The following C3orf38 variants were observed in gnomAD, a reference collection of about 807,000 sequenced individuals.
C3orf38 encodes uncharacterized protein C3orf38.
C3orf38 carries 18 observed loss-of-function variants against 28.3 expected under a neutral mutation model. The observed-to-expected ratio is 0.64, with a 90% CI of 0.44 to 0.94. The LOEUF is 0.94. Ranked by LOEUF, C3orf38 falls within the 40% of genes least tolerant of loss-of-function variation. C3orf38 has a pLI of 0.00. For synonymous variants in C3orf38, 145 were observed against 138.1 expected (o/e 1.05, Z -0.35); for missense variants, 364 against 396.4 (o/e 0.92, Z 0.69).
intron 2 of C3orf38, among the ~76,000 whole-genome samples, chr3:88,155,481 C>T (rs1418737485): frequency 1.4e-4 from 18 of 133,208 alleles, no homozygotes; most frequent in Admixed American, 2.3e-4. Context: ...TTTTTTCACA[C>T]GGAGTCTCGC....
chr3:88,150,211 G>A, intron 1 of C3orf38, 26 bp downstream of exon 1: 1 of 1,612,062 alleles, frequency 6.2e-7, no homozygotes, highest in Non-Finnish European at 8.5e-7. Context: ...TCACCTAGAA[G>A]GCTGCCGCCC....
At position 88,149,992 on chromosome 3, in the gene C3orf38, C is replaced by G; in HGVS notation, c.-61C>G. 2 of 1,605,208 alleles carry G rather than the reference C, an allele frequency of 1.2e-6. No individual in the cohort carries two copies. The highest frequency in any genetic ancestry group is 3.3e-4 in the Middle Eastern group (2 of 6,028). ...CACTTCCGGTGTCTGTTGCCAGGCG[C>G]GGGCCCAGTGGGCCGTAGGGGCGAC... On this transcript the variant is annotated 5_prime_UTR_variant, in exon 1 of 3. Coordinates refer to ENST00000318887, the MANE Select transcript of C3orf38 (RefSeq NM_173824.4).
In C3orf38 at chr3:88,157,409, A is replaced by G. The variant is rs1707494489; in HGVS notation, c.*774A>G. 1 of 152,216 alleles carries G rather than the reference A, an allele frequency of 6.6e-6. No homozygotes were observed. Among genetic ancestry groups the G allele is most frequent in the African/African-American group, 2.4e-5 (1 of 41,460 alleles). The allele number at this position is 152,216 out of a possible 1,614,324, so 9.4% of individuals were successfully genotyped here. A position where few individuals can be genotyped will look rare whatever the true frequency, so the allele number is the denominator to read the frequency against. On this transcript the variant is annotated 3_prime_UTR_variant, in exon 3 of 3. Transcript: ENST00000318887. Reference sequence around the variant, plus strand: ...ACAGTTTTATAGAGCAGTTACTGTAATACAATATAAAGGAAATATGCTGTT... The same window carrying G: ...ACAGTTTTATAGAGCAGTTACTGTAGTACAATATAAAGGAAATATGCTGTT...
chr3:88,154,122 A>G (rs1707450752), intron 2 of C3orf38, among the ~76,000 whole-genome samples: 2 of 152,166 alleles, frequency 1.3e-5, no homozygotes, highest in Admixed American at 6.5e-5. Context: ...GAAGAATTTT[A>G]TTGCAAATTC....
In C3orf38 at chr3:88,156,061, G is replaced by C; in HGVS notation, c.416G>C (p.Arg139Pro). The part of the protein sequence containing the change: ...EDKKAEKVDF[R>P]RLGEEFCHWF... ...AAAAAAGCTGAAAAAGTTGATTTTC[G>C]TCGCCTAGGAGAAGAATTCTGTCAT... Residue 139 changes from arginine to proline, a missense_variant, in exon 3 of 3, where the codon CGT becomes CCT. Coordinates refer to ENST00000318887, the MANE Select transcript of C3orf38 (RefSeq NM_173824.4). The C allele has an allele frequency of 1.3e-6, 2 of 1,553,636 alleles. No individual in the cohort carries two copies. The highest frequency in any genetic ancestry group is 1.7e-6 in the Non-Finnish European group (2 of 1,153,202).
At chr3:88,150,309 G>C (rs1477191507) in intron 1 of C3orf38, 124 bp downstream of exon 1, 1 of 1,124,298 alleles carries the variant, frequency 8.9e-7, no homozygotes, top group Non-Finnish European at 1.2e-6. Context: ...GAACCACTAC[G>C]CCGACTTGGG....
chr3:88,150,101 C>A lies in C3orf38; in HGVS notation c.49C>A (p.Leu17Ile), dbSNP rs1204941902. The change falls in exon 1 of 3, where the codon CTA becomes ATA. Residue 17 changes from leucine (L) to isoleucine (I), a missense_variant. Leu to Ile is a conservative substitution (Grantham distance 5). Coordinates refer to ENST00000318887, the MANE Select transcript of C3orf38 (RefSeq NM_173824.4). ...SFSEMEGCRN[L>I]LGLLDNDEIM... ...TTCAGAGATGGAGGGCTGCCGTAAC[C>A]TACTTGGCCTACTGGACAACGACGA... The A allele has an allele frequency of 1.9e-6, 3 of 1,614,204 alleles. No homozygotes were observed. In the Admixed American group the frequency reaches 5.0e-5, roughly 27 times the overall value.
Position 88,156,797 on chromosome 3 carries a change from T to C in C3orf38, c.*162T>C. 1.3e-6 allele frequency: 1 copy of C among 768,812 alleles called. No homozygotes were observed. The highest frequency in any genetic ancestry group is 2.0e-6 in the Non-Finnish European group (1 of 498,864). 47.6% of individuals were successfully genotyped at this position (768,812 alleles called of 1,614,324 possible). On this transcript the variant is annotated 3_prime_UTR_variant, in exon 3 of 3. Transcript: ENST00000318887. The stretch of plus-strand genomic sequence containing the variant: ...ATTTCAGATGTGAAAATTGACATAT[T>C]TTAGTTGAAATACCTTTCTGGACTA...
chr3:88,153,595 A>C, intron 2 of C3orf38, 124 bp downstream of exon 2: 1 of 1,191,878 alleles, frequency 8.4e-7, no homozygotes, highest in African/African-American at 1.5e-5. Flanking sequence ...ATTTTTTAAG[A>C]GATTCTTGCT....
rs1421120079 is a variant in C3orf38 at position 88,155,932 on chromosome 3, T to G, written c.376-89T>G. Reference sequence around the variant, plus strand: ...TTCATTTCTCTCTGGTGTAATGGGTTCATTCAAACTTAATAGGCTAGATAG... The same window carrying G: ...TTCATTTCTCTCTGGTGTAATGGGTGCATTCAAACTTAATAGGCTAGATAG... On this transcript the variant is annotated intron_variant, in intron 2 of 2. Coordinates refer to ENST00000318887, the MANE Select transcript of C3orf38 (RefSeq NM_173824.4). 3 of 999,780 alleles carry G rather than the reference T, an allele frequency of 3.0e-6. No homozygotes were observed. The Admixed American group carries it at 9.0e-5, about 30-fold the overall frequency. 61.9% of individuals were successfully genotyped at this position (999,780 alleles called of 1,614,324 possible).
intron 2 of C3orf38, among the ~76,000 whole-genome samples, chr3:88,154,466 C>G (rs1021524525): frequency 1.3e-5 from 2 of 151,882 alleles, no homozygotes; most frequent in African/African-American, 2.4e-5. Flanking sequence ...CTCCACTGTA[C>G]ATTTTAGATA....
chr3:88,152,660 C>A (rs1172241575), intron 1 of C3orf38, among the ~76,000 whole-genome samples: 1 of 149,894 alleles, frequency 6.7e-6, no homozygotes, highest in Non-Finnish European at 1.5e-5. Flanking sequence ...GAGGCTGAGG[C>A]AGGAGAATGG....
chr3:88,156,256 C>T lies in C3orf38; in HGVS notation c.611C>T (p.Ser204Leu), dbSNP rs1167177678. The change falls in exon 3 of 3, where the codon TCA (serine) becomes TTA (leucine). Residue 204 changes from serine (S) to leucine (L), a missense_variant. Coordinates refer to ENST00000318887, the MANE Select transcript of C3orf38 (RefSeq NM_173824.4). Reference protein sequence around the residue: ...GAEIVSLRLLSLVKEEFLFLS... With the variant: ...GAEIVSLRLLLLVKEEFLFLS... ...GAAATCGTGAGCCTTCGTTTGCTGT[C>T]ACTAGTAAAAGAAGAATTTCTTTTT... 2 of 1,614,038 alleles carry T rather than the reference C, an allele frequency of 1.2e-6. No homozygotes were observed. The highest frequency in any genetic ancestry group is 1.7e-6 in the Non-Finnish European group (2 of 1,180,044).
At position 88,149,966 on chromosome 3, in the gene C3orf38, G is replaced by A. The variant is rs1208120025; in HGVS notation, c.-87G>A. 8 of 1,545,818 alleles carry A rather than the reference G, an allele frequency of 5.2e-6. No individual in the cohort carries two copies. The highest frequency in any genetic ancestry group is 1.7e-5 in the Admixed American group (1 of 58,276). ...CCTTCGACGGAGAACAACAAGAAAG[G>A]CACTTCCGGTGTCTGTTGCCAGGCG... On this transcript the variant is annotated 5_prime_UTR_variant, in exon 1 of 3. Coordinates refer to ENST00000318887, the MANE Select transcript of C3orf38 (RefSeq NM_173824.4).
Position 88,156,666 on chromosome 3 carries a change from A to G in C3orf38, c.*31A>G. The G allele has an allele frequency of 1.3e-6, 2 of 1,590,178 alleles. No homozygotes were observed. The highest frequency in any genetic ancestry group is 1.7e-6 in the Non-Finnish European group (2 of 1,170,012). ...TGGAAATGAGACATTGCTGAACAAA[A>G]GAGAACTGGGTTTACCTGACCCTCT... is the stretch of plus-strand genomic sequence containing the variant. On this transcript the variant is annotated 3_prime_UTR_variant, in exon 3 of 3. Coordinates refer to ENST00000318887, the MANE Select transcript of C3orf38 (RefSeq NM_173824.4).
intron 2 of C3orf38, among the ~76,000 whole-genome samples, chr3:88,154,860 CTT>C (rs1207607732): frequency 2.1e-4 from 30 of 140,434 alleles, no homozygotes; most frequent in Non-Finnish European, 2.5e-4. Context: ...TTTACAGTAA[CTT>C]TTTTTTTTTT....
chr3:88,153,965 A>G (rs1320721705), intron 2 of C3orf38, among the ~76,000 whole-genome samples: 1 of 152,216 alleles, frequency 6.6e-6, no homozygotes, highest in African/African-American at 2.4e-5. Flanking sequence ...TATTTCTGAC[A>G]TATAGTGATG....
intron 1 of C3orf38, among the ~76,000 whole-genome samples, chr3:88,151,965 G>A (rs970913802): frequency 2.0e-5 from 3 of 152,124 alleles, no homozygotes; most frequent in East Asian, 1.9e-4. Flanking sequence ...AGGTGGATGC[G>A]AATAAAGAGG....
chr3:88,156,264 AAAG>A lies in C3orf38; in HGVS notation c.625_627del (p.Glu209del), dbSNP rs1361659296. 1.2e-6 allele frequency: 2 copies of A among 1,614,062 alleles called. No homozygotes were observed. Among genetic ancestry groups the A allele is most frequent in the Non-Finnish European group, 8.5e-7 (1 of 1,180,042 alleles). On this transcript the variant is annotated inframe_deletion, in exon 3 of 3. Transcript: ENST00000318887. ...GAGCCTTCGTTTGCTGTCACTAGTAAAAGAAGAATTTCTTTTTCTCAGCCCCAA... is the reference window on the plus strand; with the variant it reads ...GAGCCTTCGTTTGCTGTCACTAGTAAAAGAATTTCTTTTTCTCAGCCCCAA...
Sources: gnomAD v4.1 joint callset for allele counts (sites outside exome capture counted in the v4.1 genomes callset) on GRCh38, gnomAD v4.1.1 for gene constraint, MANE v1.5 for transcripts, NCBI Gene and HGNC (gene_info 2026-07-23, HGNC 2026-07-21) for gene names.